RPH3A: variants seen among roughly 807,000 people sequenced by gnomAD.
The protein encoded by RPH3A is rabphilin-3A.
RPH3A carries 48 observed loss-of-function variants against 102.2 expected under a neutral mutation model. The observed-to-expected ratio is 0.47, with a 90% CI of 0.37 to 0.60. The LOEUF (loss-of-function observed/expected upper bound fraction) is 0.60. RPH3A is among the 20% of genes least tolerant of loss of function. The pLI is 0.00. For missense variants in RPH3A, 781 were observed against 910.1 expected, an observed-to-expected ratio of 0.86 and a Z score of 1.83; for synonymous variants, 310 against 324.3, an observed-to-expected ratio of 0.96 and a Z score of 0.47.
At chr12:112,773,079 G>T (rs1315289956) in intron 1 of RPH3A, among the ~76,000 whole-genome samples, 1 of 151,656 alleles carries the variant, frequency 6.6e-6, no homozygotes, top group Non-Finnish European at 1.5e-5. Context: ...CCTTTTTATG[G>T]CTGCATAGTA....
chr12:112,844,797 A>G (rs1451760410), intron 4 of RPH3A, among the ~76,000 whole-genome samples: 2 of 152,194 alleles, frequency 1.3e-5, no homozygotes, highest in African/African-American at 4.8e-5. Context: ...ATTCCTCACA[A>G]TTTCTGTGAG....
At chr12:112,874,404 G>C (rs1276109207) in intron 10 of RPH3A, among the ~76,000 whole-genome samples, 1 of 152,152 alleles carries the variant, frequency 6.6e-6, no homozygotes, top group Non-Finnish European at 1.5e-5. Context: ...GAGATCATAA[G>C]GCCCCACCCC....
At chr12:112,883,511 A>G (rs2042959019) in intron 16 of RPH3A, 109 bp downstream of exon 16, 1 of 712,360 alleles carries the variant, frequency 1.4e-6, no homozygotes, top group Admixed American at 2.7e-5. Flanking sequence ...AGATCTCTAC[A>G]TAGTTTATTT....
At chr12:112,617,234 T>C (rs2039687194) in intron 1 of RPH3A, among the ~76,000 whole-genome samples, 1 of 152,312 alleles carries the variant, frequency 6.6e-6, no homozygotes, top group South Asian at 2.1e-4. Flanking sequence ...GGGTCAGAGA[T>C]GGCGAGTGAG....
chr12:112,584,109 G>A (rs1027788754), intron 1 of RPH3A, among the ~76,000 whole-genome samples: 1 of 152,288 alleles, frequency 6.6e-6, no homozygotes, highest in South Asian at 2.1e-4. Flanking sequence ...GATTATCGCT[G>A]CAGAAAACGG....
intron 18 of RPH3A, among the ~76,000 whole-genome samples, chr12:112,890,370 C>T (rs114454686): frequency 0.022 from 3,410 of 152,262 alleles, 86 homozygotes; most frequent in African/African-American, 0.058. Flanking sequence ...TGGCACACTC[C>T]TTTCTTGGAG....
intron 1 of RPH3A, among the ~76,000 whole-genome samples, chr12:112,769,024 G>A (rs766758264): frequency 1.3e-5 from 2 of 152,136 alleles, no homozygotes; most frequent in East Asian, 1.9e-4. Flanking sequence ...TGCCAGCTTC[G>A]TGTTCGTGTT....
chr12:112,588,763 G>A (rs550607464), intron 1 of RPH3A, among the ~76,000 whole-genome samples: 15 of 152,152 alleles, frequency 9.9e-5, no homozygotes, highest in Non-Finnish European at 1.8e-4. Flanking sequence ...GCCTGTGGGT[G>A]TAGAACTGAA....
intron 1 of RPH3A, among the ~76,000 whole-genome samples, chr12:112,693,250 C>T (rs1211541067): frequency 6.6e-6 from 1 of 152,188 alleles, no homozygotes; most frequent in Non-Finnish European, 1.5e-5. Context: ...ATGGTATTTA[C>T]TTTGGCTTAT....
chr12:112,864,448 C>CAAAAA lies in RPH3A; in HGVS notation c.231-950_231-946dup, dbSNP rs11324677. On this transcript the variant is annotated intron_variant, in intron 5 of 21. Coordinates refer to ENST00000389385, the MANE Select transcript of RPH3A (RefSeq NM_001143854.2). ...CCTGGGTGACAGAGCAAGACTCTGTCAAAAAAAAAAAAAAAAAAAATGGAT... is the reference window on the plus strand; with the variant it reads ...CCTGGGTGACAGAGCAAGACTCTGTCAAAAAAAAAAAAAAAAAAAAAAAAATGGAT... Among the ~76,000 whole-genome samples, 136 of 101,960 alleles carry CAAAAA rather than the reference C, an allele frequency of 1.3e-3. 1 individual carries two copies. The highest frequency in any genetic ancestry group is 5.2e-3 in the African/African-American group (126 of 24,456). The allele number at this position is 101,960 out of a possible 152,430, so 66.9% of individuals were successfully genotyped here. A position where few individuals can be genotyped will look rare whatever the true frequency, so the allele number is the denominator to read the frequency against.
intron 1 of RPH3A, among the ~76,000 whole-genome samples, chr12:112,701,810 T>C (rs1436790363): frequency 6.6e-6 from 1 of 152,178 alleles, no homozygotes; most frequent in East Asian, 1.9e-4. Flanking sequence ...CAGGCACCAA[T>C]CTTCACATTT....
At chr12:112,751,087 C>G (rs970204389) in intron 1 of RPH3A, among the ~76,000 whole-genome samples, 1 of 152,210 alleles carries the variant, frequency 6.6e-6, no homozygotes, top group South Asian at 2.1e-4. Flanking sequence ...CTTGGCCTTC[C>G]TTAGGACTTT....
chr12:112,633,146 G>A (rs185634871), intron 1 of RPH3A, among the ~76,000 whole-genome samples: 2 of 152,128 alleles, frequency 1.3e-5, no homozygotes, highest in African/African-American at 4.8e-5. Context: ...GTTCACTTGA[G>A]CTATGATCAT....
intron 1 of RPH3A, among the ~76,000 whole-genome samples, chr12:112,755,336 CACAT>C (rs1466889486): frequency 2.1e-5 from 3 of 139,932 alleles, no homozygotes; most frequent in East Asian, 2.2e-4. Context: ...CACACACACA[CACAT>C]ACATATGCAT....
chr12:112,725,244 G>T (rs2040578746), intron 1 of RPH3A, among the ~76,000 whole-genome samples: 2 of 74,234 alleles, frequency 2.7e-5, no homozygotes, highest in Non-Finnish European at 2.3e-5. Flanking sequence ...GCAAGACTTT[G>T]TCTCAGAAAA....
At chr12:112,639,547 G>A (rs1269724221) in intron 1 of RPH3A, among the ~76,000 whole-genome samples, 1 of 152,100 alleles carries the variant, frequency 6.6e-6, no homozygotes, top group African/African-American at 2.4e-5. Flanking sequence ...ATGGATCCTG[G>A]GTTTAATACC....
intron 1 of RPH3A, among the ~76,000 whole-genome samples, chr12:112,740,997 G>A (rs1408026242): frequency 2.0e-5 from 3 of 152,136 alleles, no homozygotes; most frequent in South Asian, 2.1e-4. Flanking sequence ...GTCACTTCTC[G>A]TGTGGAATTC....
intron 1 of RPH3A, among the ~76,000 whole-genome samples, chr12:112,716,666 C>T (rs979992769): frequency 6.6e-6 from 1 of 152,238 alleles, no homozygotes; most frequent in Non-Finnish European, 1.5e-5. Context: ...CACATGCCCA[C>T]ACCTAAGTGG....
intron 1 of RPH3A, among the ~76,000 whole-genome samples, chr12:112,777,119 A>G (rs887358294): frequency 6.6e-6 from 1 of 152,124 alleles, no homozygotes; most frequent in African/African-American, 2.4e-5. Flanking sequence ...CCAATCTACC[A>G]CACTCATCTA....
Sources: allele counts gnomAD v4.1 joint callset (sites outside exome capture counted in the v4.1 genomes callset), GRCh38; gene constraint gnomAD v4.1.1; transcripts MANE v1.5; gene names NCBI Gene and HGNC (gene_info 2026-07-23, HGNC 2026-07-21).